ERBB4: variants seen among roughly 807,000 people sequenced by gnomAD.
ERBB4 encodes receptor tyrosine-protein kinase erbB-4.
ERBB4 carries 42 observed loss-of-function variants against 158.0 expected under a neutral mutation model. That is an observed-to-expected ratio of 0.27 (90% confidence interval 0.21 to 0.34). ERBB4 has a LOEUF of 0.34. ERBB4 is among the 10% of genes least tolerant of loss of function. The pLI is 1.00. For missense variants in ERBB4, 1,333 were observed against 1,624.1 expected (o/e 0.82, Z 3.08); for synonymous variants, 583 against 558.7 (o/e 1.04, Z -0.61).
chr2:212,463,462 C>T (rs1688675463), intron 1 of ERBB4, among the ~76,000 whole-genome samples: 2 of 152,010 alleles, frequency 1.3e-5, no homozygotes, highest in Admixed American at 1.3e-4. Context: ...CTCTATATCT[C>T]TATCTCACTG....
chr2:211,479,880 C>T (rs978982984), intron 20 of ERBB4, among the ~76,000 whole-genome samples: 32 of 152,176 alleles, frequency 2.1e-4, no homozygotes, highest in African/African-American at 7.2e-4. Flanking sequence ...CTGTACAAAT[C>T]TCATATAATT....
chr2:211,704,342 A>T (rs910711884), intron 10 of ERBB4, 148 bp from the exon 11 acceptor site: 2 of 658,156 alleles, frequency 3.0e-6, no homozygotes, highest in Non-Finnish European at 5.5e-6. Flanking sequence ...ACTCTATTAC[A>T]TATGTATTCT....
intron 3 of ERBB4, among the ~76,000 whole-genome samples, chr2:211,878,964 C>T (rs1257283031): frequency 6.6e-6 from 1 of 152,088 alleles, no homozygotes; most frequent in Non-Finnish European, 1.5e-5. Context: ...AGATACTCTC[C>T]TAGGTGCTTT....
intron 1 of ERBB4, among the ~76,000 whole-genome samples, chr2:212,356,913 A>T (rs1171048996): frequency 1.3e-5 from 2 of 151,976 alleles, no homozygotes; most frequent in African/African-American, 2.4e-5. Context: ...AAAATGCATT[A>T]TTAAACTCTA....
intron 2 of ERBB4, among the ~76,000 whole-genome samples, chr2:212,084,363 C>T (rs1013023995): frequency 2.0e-5 from 3 of 151,946 alleles, no homozygotes; most frequent in Non-Finnish European, 2.9e-5. Context: ...AGCTATAACG[C>T]GCAACACCTA....
intron 1 of ERBB4, among the ~76,000 whole-genome samples, chr2:212,469,237 CATAAA>C (rs1227313114): frequency 6.6e-6 from 1 of 152,178 alleles, no homozygotes; most frequent in Non-Finnish European, 1.5e-5. Context: ...ATAGACATAA[CATAAA>C]ATAATCTTTT....
At chr2:212,342,528 T>C (rs2088772658) in intron 1 of ERBB4, among the ~76,000 whole-genome samples, 1 of 152,140 alleles carries the variant, frequency 6.6e-6, no homozygotes, top group African/African-American at 2.4e-5. Context: ...AATTTCCCAG[T>C]CTTGGGTATT....
chr2:212,011,051 C>T (rs2076374781), intron 2 of ERBB4, among the ~76,000 whole-genome samples: 1 of 152,004 alleles, frequency 6.6e-6, no homozygotes, highest in Non-Finnish European at 1.5e-5. Flanking sequence ...TCAAGGTGGA[C>T]TGATTTCATA....
chr2:211,460,505 G>A (rs1477098839), intron 20 of ERBB4, among the ~76,000 whole-genome samples: 5 of 152,172 alleles, frequency 3.3e-5, no homozygotes, highest in Non-Finnish European at 7.4e-5. Flanking sequence ...GGTAGATGGT[G>A]GAAGTTGAAA....
In ERBB4 at chr2:211,883,840, A is replaced by G. The variant is rs530558641; in HGVS notation, c.421+63590T>C. Among the ~76,000 whole-genome samples the G allele has an allele frequency of 2.0e-5, 3 of 152,276 alleles. No homozygotes were observed. The South Asian group carries it at 6.2e-4, about 32-fold the overall frequency. On this transcript the variant is annotated intron_variant, in intron 3 of 27. Transcript: ENST00000342788. ...ACGTTACTCTTTGAAAAGTTGGAAG[A>G]TTTTGAGAAATAATTTCTTTGTGCC...
chr2:211,529,625 A>G (rs1181424861), intron 20 of ERBB4, among the ~76,000 whole-genome samples: 1 of 152,136 alleles, frequency 6.6e-6, no homozygotes, highest in Non-Finnish European at 1.5e-5. Context: ...CAAATTCAAC[A>G]ACATATTGGA....
At chr2:211,859,194 A>T (rs2077952290) in intron 3 of ERBB4, among the ~76,000 whole-genome samples, 1 of 152,242 alleles carries the variant, frequency 6.6e-6, no homozygotes, top group African/African-American at 2.4e-5. Flanking sequence ...AAATGAACTT[A>T]GTTATTCAGC....
chr2:211,502,969 G>A lies in ERBB4; in HGVS notation c.2487+58934C>T, dbSNP rs567954610. Among the ~76,000 whole-genome samples, 22 of 152,162 alleles carry A rather than the reference G, an allele frequency of 1.4e-4. 1 individual carries two copies. In the East Asian group the frequency reaches 4.2e-3, roughly 29 times the overall value. ...GAAGACACTGAAACTTAATAGAGAG[G>A]CAATGGAGGACACCGTGGTTGAAGA... On this transcript the variant is annotated intron_variant, in intron 20 of 27. Coordinates refer to ENST00000342788, the MANE Select transcript of ERBB4 (RefSeq NM_005235.3).
intron 1 of ERBB4, among the ~76,000 whole-genome samples, chr2:212,159,438 T>C (rs2081139961): frequency 6.6e-6 from 1 of 151,976 alleles, no homozygotes; most frequent in Admixed American, 6.6e-5. Flanking sequence ...CTAAAACAGA[T>C]TTTACATTCG....
intron 12 of ERBB4, among the ~76,000 whole-genome samples, chr2:211,698,408 A>T (rs563139872): frequency 2.0e-5 from 3 of 151,798 alleles, no homozygotes; most frequent in African/African-American, 7.3e-5. Context: ...TAAGATATAG[A>T]TGGCTGAATG....
At chr2:211,917,018 A>G (rs1029164338) in intron 3 of ERBB4, among the ~76,000 whole-genome samples, 2 of 152,164 alleles carry the variant, frequency 1.3e-5, no homozygotes, top group African/African-American at 4.8e-5. Context: ...CAGATTTGAT[A>G]CCAGTGGTTA....
At chr2:211,619,586 A>G (rs1018502118) in intron 18 of ERBB4, among the ~76,000 whole-genome samples, 11 of 152,128 alleles carry the variant, frequency 7.2e-5, no homozygotes, top group Admixed American at 1.3e-4. Flanking sequence ...TAGCAAAAGA[A>G]TATCTGATTT....
intron 25 of ERBB4, among the ~76,000 whole-genome samples, chr2:211,390,091 T>C (rs1442047019): frequency 6.6e-6 from 1 of 152,026 alleles, no homozygotes; most frequent in African/African-American, 2.4e-5. Context: ...TAATATAGAG[T>C]GATAGTACAG....
At chr2:212,407,974 G>T (rs1042835753) in intron 1 of ERBB4, among the ~76,000 whole-genome samples, 3 of 151,838 alleles carry the variant, frequency 2.0e-5, no homozygotes, top group African/African-American at 7.3e-5. Context: ...AAGTACTTTC[G>T]CATGTATAGA....
Sources: allele counts gnomAD v4.1 joint callset (sites outside exome capture counted in the v4.1 genomes callset), GRCh38; gene constraint gnomAD v4.1.1; transcripts MANE v1.5; gene names NCBI Gene and HGNC (gene_info 2026-07-23, HGNC 2026-07-21).